Variants in PCDH15 observed in about 807,000 individuals in gnomAD.
The protein encoded by PCDH15 is protocadherin related 15.
PCDH15 carries 129 observed loss-of-function variants against 178.5 expected under a neutral mutation model. The observed-to-expected ratio is 0.72, with a 90% CI of 0.63 to 0.84. The LOEUF (loss-of-function observed/expected upper bound fraction) is 0.84. Among genes scored for constraint, PCDH15 ranks in the 40% least tolerant of loss-of-function variants. The pLI, the probability that PCDH15 is intolerant of heterozygous loss-of-function variation, is 0.00. For missense variants in PCDH15, 2,230 were observed against 2,099.9 expected, an observed-to-expected ratio of 1.06 and a Z score of -1.21; for synonymous variants, 800 against 732.0, an observed-to-expected ratio of 1.09 and a Z score of -1.50.
intron 2 of PCDH15, among the ~76,000 whole-genome samples, chr10:54,906,775 G>A (rs539206349): frequency 6.6e-6 from 1 of 152,236 alleles, no homozygotes; most frequent in South Asian, 2.1e-4. Flanking sequence ...ATGACTGTAT[G>A]TTGAATATTG....
intron 2 of PCDH15, among the ~76,000 whole-genome samples, chr10:55,508,386 T>C (rs1840807425): frequency 6.6e-6 from 1 of 151,752 alleles, no homozygotes; most frequent in African/African-American, 2.4e-5. Context: ...CAGTACAGAT[T>C]TCACTTCGGT....
At position 55,381,722 on chromosome 10, in the gene PCDH15, AG is replaced by A. The variant is rs1451544402; in HGVS notation, c.-155-215072del. The stretch of plus-strand genomic sequence containing the variant: ...AGAAGAAGACCTGGATATACACAGA[AG>A]CACAGATGGTATTGCCCCTGTGGTG... On this transcript the variant is annotated intron_variant, in intron 2 of 5. Coordinates refer to the PCDH15 transcript ENST00000613346. 2.0e-5 allele frequency among the ~76,000 whole-genome samples: 3 copies of A among 152,294 alleles called. No homozygotes were observed. In the East Asian group the frequency reaches 5.8e-4, roughly 29 times the overall value.
chr10:55,403,216 T>C (rs1838115732), intron 2 of PCDH15, among the ~76,000 whole-genome samples: 1 of 151,806 alleles, frequency 6.6e-6, no homozygotes, highest in South Asian at 2.1e-4. Context: ...TTTATTTTTA[T>C]ATTTTTATTT....
At chr10:54,308,879 G>A (rs948076431) in intron 8 of PCDH15, among the ~76,000 whole-genome samples, 1 of 151,420 alleles carries the variant, frequency 6.6e-6, no homozygotes, top group Non-Finnish European at 1.5e-5. Flanking sequence ...ATTTTAGTTT[G>A]TGTTTGTGTG....
chr10:54,592,365 TTTTTC>T (rs968048948), intron 2 of PCDH15, among the ~76,000 whole-genome samples: 1 of 150,392 alleles, frequency 6.6e-6, no homozygotes, highest in Non-Finnish European at 1.5e-5. Context: ...CTGACTTCCA[TTTTTC>T]TTTTTTCAGC....
At chr10:54,679,471 C>CTAATTTTAA (rs1406013834) in intron 1 of PCDH15, among the ~76,000 whole-genome samples, 1 of 152,162 alleles carries the variant, frequency 6.6e-6, no homozygotes, top group African/African-American at 2.4e-5. Flanking sequence ...CATAAGTAAA[C>CTAATTTTAA]TAATTTTAAT....
At chr10:53,933,151 T>A (rs1466446382) in intron 25 of PCDH15, among the ~76,000 whole-genome samples, 1 of 151,924 alleles carries the variant, frequency 6.6e-6, no homozygotes, top group Non-Finnish European at 1.5e-5. Context: ...AATTACCCAG[T>A]CTCAGGTATT....
intron 5 of PCDH15, among the ~76,000 whole-genome samples, chr10:54,348,685 ACT>A (rs1943700724): frequency 6.6e-6 from 1 of 152,192 alleles, no homozygotes; most frequent in South Asian, 2.1e-4. Flanking sequence ...TCTATTATAT[ACT>A]TTTTTGTGGT....
At chr10:53,837,238 AAAAAAAG>A (rs1426920397) in intron 29 of PCDH15, among the ~76,000 whole-genome samples, 24 of 152,198 alleles carry the variant, frequency 1.6e-4, no homozygotes, top group Middle Eastern at 3.4e-3. Flanking sequence ...TTCCAGAAAT[AAAAAAAG>A]AAAAAACTCA....
intron 2 of PCDH15, among the ~76,000 whole-genome samples, chr10:55,574,905 A>T (rs780090149): frequency 6.6e-6 from 1 of 152,190 alleles, no homozygotes; most frequent in Non-Finnish European, 1.5e-5. Flanking sequence ...ATAGACTTTT[A>T]GTAACATCTC....
intron 2 of PCDH15, among the ~76,000 whole-genome samples, chr10:55,472,465 CTTTTTTTT>C (rs71014493): frequency 5.0e-5 from 5 of 99,764 alleles, no homozygotes; most frequent in Non-Finnish European, 1.0e-4. Flanking sequence ...TTTGAATTAG[CTTTTTTTT>C]TTTTTTTTTT....
intron 2 of PCDH15, among the ~76,000 whole-genome samples, chr10:54,645,309 G>T (rs2135067252): frequency 6.6e-6 from 1 of 152,122 alleles, no homozygotes; most frequent in East Asian, 1.9e-4. Flanking sequence ...AGCAACTGCT[G>T]AGAGAGACAG....
chr10:54,401,335 C>T (rs1377861990), intron 3 of PCDH15, among the ~76,000 whole-genome samples: 1 of 151,568 alleles, frequency 6.6e-6, no homozygotes. Flanking sequence ...AGATTTAGGG[C>T]AAGCAAAGTT....
At chr10:54,833,620 C>A (rs979598662) in intron 3 of PCDH15, among the ~76,000 whole-genome samples, 2 of 152,206 alleles carry the variant, frequency 1.3e-5, no homozygotes, top group African/African-American at 4.8e-5. Flanking sequence ...GACTTGACAG[C>A]CCTCACAGTC....
intron 2 of PCDH15, among the ~76,000 whole-genome samples, chr10:54,905,481 A>G (rs1954703707): frequency 6.6e-6 from 1 of 152,128 alleles, no homozygotes. Context: ...GAATTTTTCC[A>G]TATTTTTCTT....
chr10:54,295,983 A>G (rs2059743091), intron 8 of PCDH15, among the ~76,000 whole-genome samples: 1 of 150,636 alleles, frequency 6.6e-6, no homozygotes. Context: ...TCTCTACTAA[A>G]AAATACAAAA....
At chr10:54,216,044 GA>G (rs10648282) in intron 9 of PCDH15, among the ~76,000 whole-genome samples, 25 of 70,384 alleles carry the variant, frequency 3.6e-4, no homozygotes, top group African/African-American at 8.7e-4. Context: ...CTCCGTCTCA[GA>G]AAAAAAAAAA....
chr10:53,983,125 TCTGA>T (rs2090806124), intron 21 of PCDH15, among the ~76,000 whole-genome samples: 1 of 152,122 alleles, frequency 6.6e-6, no homozygotes, highest in Non-Finnish European at 1.5e-5. Context: ...AGGCAACTAC[TCTGA>T]CTGATTTTGT....
intron 3 of PCDH15, among the ~76,000 whole-genome samples, chr10:54,831,690 G>C (rs1290316379): frequency 2.0e-5 from 3 of 151,916 alleles, no homozygotes; most frequent in Admixed American, 1.3e-4. Flanking sequence ...ATGCCAATCA[G>C]TATATTTTCA....
Sources: allele counts gnomAD v4.1 joint callset (sites outside exome capture counted in the v4.1 genomes callset), GRCh38; gene constraint gnomAD v4.1.1; transcripts MANE v1.5; gene names NCBI Gene and HGNC (gene_info 2026-07-23, HGNC 2026-07-21).